Variants in BANK1 observed in about 807,000 individuals in gnomAD.
BANK1 encodes the protein B cell scaffold protein with ankyrin repeats 1.
In BANK1, 95 loss-of-function variants were observed where a neutral mutation model predicts 94.5. The ratio of observed to expected loss-of-function variants is 1.00; its 90% CI spans 0.85 to 1.19. The LOEUF (loss-of-function observed/expected upper bound fraction) is 1.19. Among genes scored for constraint, BANK1 ranks in the 50% most tolerant of loss-of-function variants. The probability of loss-of-function intolerance (pLI) is 0.00; values close to 1 mark genes in which losing one functional copy is unlikely to be tolerated. For missense variants in BANK1, 987 were observed against 932.2 expected, an observed-to-expected ratio of 1.06 and a Z score of -0.77; for synonymous variants, 334 against 308.4, an observed-to-expected ratio of 1.08 and a Z score of -0.87.
At chr4:101,808,635 T>C (rs573622467) in intron 1 of BANK1, among the ~76,000 whole-genome samples, 121 of 150,476 alleles carry the variant, frequency 8.0e-4, no homozygotes, top group African/African-American at 2.8e-3. Context: ...ATATCCAGAA[T>C]GCACAAGGAA....
intron 7 of BANK1, among the ~76,000 whole-genome samples, chr4:101,944,759 C>T (rs1723875286): frequency 6.6e-6 from 1 of 151,862 alleles, no homozygotes. Flanking sequence ...GGACAGCAGC[C>T]TTTTTAAATA....
intron 11 of BANK1, among the ~76,000 whole-genome samples, chr4:102,054,711 C>T (rs919205632): frequency 2.0e-5 from 3 of 152,082 alleles, no homozygotes; most frequent in Admixed American, 6.5e-5. Flanking sequence ...AGCAGTTAGT[C>T]GGTTACTTAC....
chr4:101,835,488 A>T (rs1726789386), intron 2 of BANK1, among the ~76,000 whole-genome samples: 1 of 152,134 alleles, frequency 6.6e-6, no homozygotes, highest in South Asian at 2.1e-4. Context: ...GAACCTTAAC[A>T]TTTCCATTTT....
At chr4:101,842,226 C>T (rs1188910757) in intron 2 of BANK1, among the ~76,000 whole-genome samples, 1 of 152,184 alleles carries the variant, frequency 6.6e-6, no homozygotes, top group African/African-American at 2.4e-5. Context: ...CGTCAGAACA[C>T]TGGCTTCTCC....
At chr4:102,038,568 C>G (rs933004034) in intron 10 of BANK1, among the ~76,000 whole-genome samples, 2 of 152,082 alleles carry the variant, frequency 1.3e-5, no homozygotes, top group African/African-American at 4.8e-5. Context: ...CTCCTGCTAA[C>G]AGGAGGGAGG....
intron 5 of BANK1, among the ~76,000 whole-genome samples, chr4:101,884,412 C>T (rs1728777429): frequency 6.6e-6 from 1 of 152,088 alleles, no homozygotes; most frequent in Admixed American, 6.5e-5. Context: ...CCTCTCACTT[C>T]TGTGATGCTT....
chr4:101,948,476 C>T (rs1724015576), intron 7 of BANK1, among the ~76,000 whole-genome samples: 2 of 152,090 alleles, frequency 1.3e-5, no homozygotes, highest in Admixed American at 6.6e-5. Flanking sequence ...ACAATGGCTT[C>T]ATCCTAAAGG....
intron 8 of BANK1, among the ~76,000 whole-genome samples, chr4:102,021,901 C>T (rs997763666): frequency 3.9e-5 from 6 of 151,948 alleles, no homozygotes; most frequent in African/African-American, 7.2e-5. Context: ...TTTAAAAACT[C>T]ATAACCACAT....
chr4:101,808,635 T>G (rs573622467), intron 1 of BANK1, among the ~76,000 whole-genome samples: 1 of 150,368 alleles, frequency 6.7e-6, no homozygotes, highest in Non-Finnish European at 1.5e-5. Context: ...ATATCCAGAA[T>G]GCACAAGGAA....
chr4:102,043,327 C>T (rs183529339), intron 10 of BANK1, among the ~76,000 whole-genome samples: 14 of 152,036 alleles, frequency 9.2e-5, no homozygotes, highest in African/African-American at 2.2e-4. Context: ...TGAAGTAATT[C>T]GAATAAGCTG....
rs78380561 is a variant in BANK1, at chr4:101,951,940, T to C, written c.1206+33751T>C. On this transcript the variant is annotated intron_variant, in intron 7 of 16. Coordinates refer to ENST00000322953, the MANE Select transcript of BANK1 (RefSeq NM_017935.5). ...CTTGTTTAATCATCCTTGAGCTCAG[T>C]TATAGCAAGCAAATGGCCACATGCT... Among the ~76,000 whole-genome samples the C allele has an allele frequency of 5.6e-3, 855 of 152,194 alleles. 14 individuals are homozygous for C. In the East Asian group the frequency reaches 0.057, roughly 10 times the overall value.
chr4:102,068,613 G>T (rs147942513), intron 13 of BANK1, among the ~76,000 whole-genome samples: 5,402 of 152,182 alleles, frequency 0.035, 335 homozygotes, highest in African/African-American at 0.12. Flanking sequence ...GATCACCTGA[G>T]GTCAAGAGTT....
intron 4 of BANK1, among the ~76,000 whole-genome samples, chr4:101,867,577 G>A (rs1728120965): frequency 6.6e-6 from 1 of 151,914 alleles, no homozygotes; most frequent in African/African-American, 2.4e-5. Context: ...CACTGTCAAT[G>A]TGTTGGGTGA....
chr4:102,017,737 G>A (rs1726758999), intron 7 of BANK1, among the ~76,000 whole-genome samples: 1 of 152,178 alleles, frequency 6.6e-6, no homozygotes, highest in South Asian at 2.1e-4. Context: ...ATGAGACTTT[G>A]TTCACCTGAT....
rs777816045 is a variant in BANK1 at position 101,862,671 on chromosome 4, A to G, written c.763+7A>G. 3 of 1,589,018 alleles carry G rather than the reference A, an allele frequency of 1.9e-6. No individual in the cohort carries two copies. The East Asian group carries it at 6.8e-5, about 36-fold the overall frequency. On this transcript the variant is annotated splice_region_variant and intron_variant, in intron 4 of 16. Transcript: ENST00000322953. ...TGGTGCATGAAAGCTTTAGGTAAGA[A>G]TGTTTATGATTTAATAAGCATAAAA...
At chr4:102,062,757 A>G (rs1234572106) in intron 12 of BANK1, 2 of 245,706 alleles carry the variant, frequency 8.1e-6, no homozygotes, top group Non-Finnish European at 1.6e-5. Context: ...TGGCAAAACA[A>G]CTTCCCAAAG....
intron 6 of BANK1, among the ~76,000 whole-genome samples, chr4:101,908,068 A>G (rs1290521869): frequency 6.6e-6 from 1 of 152,206 alleles, no homozygotes; most frequent in Non-Finnish European, 1.5e-5. Context: ...TAAAGGTCAT[A>G]TGGAACCAAA....
intron 5 of BANK1, 120 bp downstream of exon 5, chr4:101,870,764 A>G (rs1728255924): frequency 3.4e-6 from 4 of 1,171,224 alleles, no homozygotes; most frequent in Non-Finnish European, 4.6e-6. Flanking sequence ...ATTACTACCA[A>G]TCAATAGGAA....
intron 7 of BANK1, among the ~76,000 whole-genome samples, chr4:101,987,758 A>G (rs1399894871): frequency 6.6e-6 from 1 of 152,184 alleles, no homozygotes; most frequent in Non-Finnish European, 1.5e-5. Flanking sequence ...GGTTTGTGAG[A>G]GTCATTAGAC....
Sources: allele counts gnomAD v4.1 joint callset (sites outside exome capture counted in the v4.1 genomes callset), GRCh38; gene constraint gnomAD v4.1.1; transcripts MANE v1.5; gene names NCBI Gene and HGNC (gene_info 2026-07-23, HGNC 2026-07-21).